The following NRXN1 variants were observed in gnomAD, a reference collection of about 807,000 sequenced individuals.
NRXN1 encodes the protein neurexin-1.
A neutral mutation model predicts 150.9 loss-of-function variants in NRXN1; 39 were observed. That is an observed-to-expected ratio of 0.26 (90% CI 0.20 to 0.34). The LOEUF (loss-of-function observed/expected upper bound fraction) is 0.34. NRXN1 is among the 10% of genes least tolerant of loss of function. The pLI, the probability that NRXN1 is intolerant of heterozygous loss-of-function variation, is 1.00. For missense variants in NRXN1, 1,815 were observed against 1,949.9 expected, an observed-to-expected ratio of 0.93 and a Z score of 1.30; for synonymous variants, 924 against 757.0, an observed-to-expected ratio of 1.22 and a Z score of -3.62.
chr2:50,802,966 G>T (rs761952540), intron 5 of NRXN1, among the ~76,000 whole-genome samples: 5 of 152,114 alleles, frequency 3.3e-5, no homozygotes, highest in Non-Finnish European at 7.4e-5. Flanking sequence ...CCAACATCTT[G>T]ATTTCAGATT....
In NRXN1 at chr2:50,347,946, C is replaced by T; in HGVS notation, c.3365-110976G>A. ...GCATTCTCCACGCATCAAAGGGACA[C>T]GTGTAAGGCGAAACGGGAACACCTA... On this transcript the variant is annotated intron_variant, in intron 17 of 22. Transcript: ENST00000401669. The surrounding 1 kb of genome is among the most constrained non-coding windows in gnomAD (Gnocchi z 4.9). The T allele has an allele frequency of 1.7e-6, 1 of 579,816 alleles. No individual in the cohort carries two copies. Among genetic ancestry groups the T allele is most frequent in the South Asian group, 7.6e-5 (1 of 13,220 alleles). The allele number at this position is 579,816 out of a possible 1,614,324, so 35.9% of individuals were successfully genotyped here.
At chr2:50,899,410 C>T (rs1273855439) in intron 5 of NRXN1, among the ~76,000 whole-genome samples, 1 of 152,104 alleles carries the variant, frequency 6.6e-6, no homozygotes, top group East Asian at 1.9e-4. Context: ...TCCCACTACA[C>T]TGTGTTTATT....
intron 5 of NRXN1, among the ~76,000 whole-genome samples, chr2:50,828,731 C>T (rs1401862677): frequency 1.3e-5 from 2 of 152,038 alleles, no homozygotes; most frequent in East Asian, 3.9e-4. Flanking sequence ...CAGAGACCCT[C>T]CTCACTTTCC....
chr2:50,311,571 A>G (rs2075185583), intron 17 of NRXN1, among the ~76,000 whole-genome samples: 2 of 152,128 alleles, frequency 1.3e-5, no homozygotes, highest in African/African-American at 4.8e-5. Context: ...TGGAATGTAT[A>G]ATACATTGTC....
At chr2:50,237,020 C>G in intron 17 of NRXN1, 50 bp from the exon 18 acceptor site, 1 of 1,559,726 alleles carries the variant, frequency 6.4e-7, no homozygotes, top group Non-Finnish European at 8.8e-7. Context: ...CAAGTCTGCA[C>G]ATTAGCAAGG....
chr2:50,806,711 T>C (rs753509440), intron 5 of NRXN1, among the ~76,000 whole-genome samples: 27 of 152,160 alleles, frequency 1.8e-4, no homozygotes, highest in Non-Finnish European at 3.4e-4. Context: ...ACCTAAAAGT[T>C]TGATGGTTTC....
At position 50,064,665 on chromosome 2, in the gene NRXN1, G is replaced by A. The variant is rs557289579; in HGVS notation, c.3719-9621C>T. Among the ~76,000 whole-genome samples, 38 of 152,162 alleles carry A rather than the reference G, an allele frequency of 2.5e-4. No individual in the cohort carries two copies. In the East Asian group the frequency reaches 4.2e-3, roughly 17 times the overall value. Reference sequence around the variant, plus strand: ...TGATACTCTGGTTTCTCTTCACATCGTATTAATCTTTTACTAAATTGAATC... The same window carrying A: ...TGATACTCTGGTTTCTCTTCACATCATATTAATCTTTTACTAAATTGAATC... On this transcript the variant is annotated intron_variant, in intron 19 of 22. Transcript: ENST00000401669.
intron 18 of NRXN1, among the ~76,000 whole-genome samples, chr2:50,124,987 C>CAT (rs1023310017): frequency 2.6e-5 from 4 of 152,024 alleles, no homozygotes; most frequent in East Asian, 3.9e-4. Context: ...AACTCATTTG[C>CAT]ATATATATAC....
rs183851034 is a variant in NRXN1, at chr2:50,248,491, C to T, written c.3365-11521G>A. The stretch of plus-strand genomic sequence containing the variant: ...TGTTCTACCTAATAAATTTGCTTAA[C>T]GCAGAGCTCTTTGTAAATAAATCAT... On this transcript the variant is annotated intron_variant, in intron 17 of 22. Transcript: ENST00000401669. Among the ~76,000 whole-genome samples, 12 of 152,192 alleles carry T rather than the reference C, an allele frequency of 7.9e-5. 1 individual carries two copies. In the East Asian group the frequency reaches 1.9e-3, roughly 25 times the overall value.
chr2:50,998,086 C>T lies in NRXN1; in HGVS notation c.772+29416G>A, dbSNP rs187487468. 9.2e-5 allele frequency among the ~76,000 whole-genome samples: 13 copies of T among 141,622 alleles called. 4 individuals are homozygous for T. Among genetic ancestry groups the T allele is most frequent in the East Asian group, 8.1e-4 (4 of 4,954 alleles). 92.9% of individuals were successfully genotyped at this position (141,622 alleles called of 152,430 possible). A position where few individuals can be genotyped will look rare whatever the true frequency, so the allele number is the denominator to read the frequency against. On this transcript the variant is annotated intron_variant, in intron 2 of 22. Transcript: ENST00000401669. ...ATGACGACAGACCAATGGCTGTTTA[C>T]ACCAGAGTCTTTCCAGGTTTTCTGA...
At chr2:50,845,586 T>C (rs1673524660) in intron 5 of NRXN1, among the ~76,000 whole-genome samples, 1 of 152,220 alleles carries the variant, frequency 6.6e-6, no homozygotes, top group South Asian at 2.1e-4. Context: ...CCCTCACAAA[T>C]TTAAAGTTCA....
intron 8 of NRXN1, among the ~76,000 whole-genome samples, chr2:50,568,303 T>C (rs1016006377): frequency 6.6e-6 from 1 of 152,098 alleles, no homozygotes; most frequent in African/African-American, 2.4e-5. Flanking sequence ...GGGATCACAT[T>C]AAGTTACAAA....
At chr2:50,618,861 T>A (rs915275473) in intron 8 of NRXN1, among the ~76,000 whole-genome samples, 3 of 151,900 alleles carry the variant, frequency 2.0e-5, no homozygotes, top group South Asian at 2.1e-4. Flanking sequence ...TTGTAACCAG[T>A]AAAAGTTACT....
At chr2:50,740,430 T>A (rs1699293241) in intron 5 of NRXN1, among the ~76,000 whole-genome samples, 1 of 152,166 alleles carries the variant, frequency 6.6e-6, no homozygotes, top group Admixed American at 6.5e-5. Flanking sequence ...GCGACATAAC[T>A]AAGGGCAAAA....
chr2:49,929,338 T>A (rs1454130259), intron 22 of NRXN1, among the ~76,000 whole-genome samples: 4 of 152,222 alleles, frequency 2.6e-5, no homozygotes. Context: ...GGGGAAGCCA[T>A]AGGATCATGG....
chr2:50,610,245 T>C (rs1330766996), intron 8 of NRXN1, among the ~76,000 whole-genome samples: 1 of 152,154 alleles, frequency 6.6e-6, no homozygotes, highest in Non-Finnish European at 1.5e-5. Context: ...GTAACAAACT[T>C]AAATTTATAT....
chr2:50,415,609 A>G (rs1233201092), intron 17 of NRXN1, among the ~76,000 whole-genome samples: 1 of 152,180 alleles, frequency 6.6e-6, no homozygotes, highest in South Asian at 2.1e-4. Context: ...AGGCATGTGA[A>G]ATATTAGCCA....
At chr2:50,165,977 T>C (rs373780844) in intron 18 of NRXN1, among the ~76,000 whole-genome samples, 38 of 152,276 alleles carry the variant, frequency 2.5e-4, no homozygotes, top group African/African-American at 9.1e-4. Context: ...ACCCTTATCT[T>C]TGTATAATTC....
At chr2:50,372,606 T>C (rs931759701) in intron 17 of NRXN1, among the ~76,000 whole-genome samples, 1 of 152,116 alleles carries the variant, frequency 6.6e-6, no homozygotes, top group South Asian at 2.1e-4. Flanking sequence ...ACAGCAAAGA[T>C]GACTTAGAGT....
Sources: allele counts gnomAD v4.1 joint callset (sites outside exome capture counted in the v4.1 genomes callset), GRCh38; gene constraint gnomAD v4.1.1; non-coding constraint Gnocchi (gnomAD v3.1); transcripts MANE v1.5; gene names NCBI Gene and HGNC (gene_info 2026-07-23, HGNC 2026-07-21).